EPB41L4B: variants seen among roughly 807,000 people sequenced by gnomAD.
The protein encoded by EPB41L4B is band 4.1-like protein 4B.
In EPB41L4B, 30 loss-of-function variants were observed where a neutral mutation model predicts 112.5. The observed-to-expected ratio is 0.27, with a 90% CI of 0.20 to 0.36. EPB41L4B has a LOEUF of 0.36. Ranked by LOEUF, EPB41L4B falls within the 10% of genes least tolerant of loss-of-function variation. The pLI, the probability that EPB41L4B is intolerant of heterozygous loss-of-function variation, is 1.00. For synonymous variants in EPB41L4B, 408 were observed against 439.7 expected (o/e 0.93, Z 0.90); for missense variants, 1,024 against 1,133.3 (o/e 0.90, Z 1.38).
intron 15 of EPB41L4B, among the ~76,000 whole-genome samples, chr9:109,227,717 G>C (rs138365271): frequency 0.011 from 1,686 of 152,064 alleles, 36 homozygotes; most frequent in African/African-American, 0.039. Context: ...GAGTAGCTTG[G>C]ACTACAGGCG....
At position 109,215,018 on chromosome 9, in the gene EPB41L4B, T is replaced by G. The variant is rs555341157; in HGVS notation, c.1634-1200A>C. 7.9e-5 allele frequency among the ~76,000 whole-genome samples: 12 copies of G among 152,268 alleles called. 1 individual carries two copies. The South Asian group carries it at 2.5e-3, about 32-fold the overall frequency. ...GTGATGAGGGACAGAGTTCGGATTC[T>G]TCAATACCAAGTGGGTGTCGAGTTT... is the stretch of plus-strand genomic sequence containing the variant. On this transcript the variant is annotated intron_variant, in intron 16 of 25. Coordinates refer to ENST00000374566, the MANE Select transcript of EPB41L4B (RefSeq NM_019114.5).
intron 1 of EPB41L4B, among the ~76,000 whole-genome samples, chr9:109,316,388 C>T (rs1306665517): frequency 6.6e-6 from 1 of 152,228 alleles, no homozygotes; most frequent in East Asian, 1.9e-4. Context: ...GCAACAGCCA[C>T]ACGAGCAAAA....
chr9:109,265,701 G>A (rs1051777960), intron 4 of EPB41L4B, among the ~76,000 whole-genome samples: 1 of 152,200 alleles, frequency 6.6e-6, no homozygotes, highest in East Asian at 1.9e-4. Flanking sequence ...TTAAATAAGA[G>A]GGGTATCTTT....
intron 19 of EPB41L4B, among the ~76,000 whole-genome samples, chr9:109,202,811 G>A (rs185207271): frequency 3.0e-4 from 45 of 152,230 alleles, no homozygotes; most frequent in Middle Eastern, 3.4e-3. Flanking sequence ...CTTCACTACC[G>A]TGCAATCTAT....
In EPB41L4B at chr9:109,268,948, T is replaced by C. The variant is rs182489184; in HGVS notation, c.412-515A>G. Among the ~76,000 whole-genome samples the C allele has an allele frequency of 3.3e-5, 5 of 152,022 alleles. No individual in the cohort carries two copies. In the East Asian group the frequency reaches 9.7e-4, roughly 29 times the overall value. On this transcript the variant is annotated intron_variant, in intron 2 of 25. Transcript: ENST00000374566. ...GTTTATGCATATATGTGCATTTTTC[T>C]GGGGAGGGGACTCCCTAGTTTCTGG...
At chr9:109,318,759 T>G (rs756290246) in intron 1 of EPB41L4B, among the ~76,000 whole-genome samples, 1 of 152,174 alleles carries the variant, frequency 6.6e-6, no homozygotes, top group Non-Finnish European at 1.5e-5. Flanking sequence ...CACCCGAATG[T>G]TGGCTCCTTT....
intron 15 of EPB41L4B, among the ~76,000 whole-genome samples, chr9:109,232,968 C>G (rs1363487695): frequency 6.6e-6 from 1 of 152,184 alleles, no homozygotes; most frequent in African/African-American, 2.4e-5. Flanking sequence ...GCCTTTAATA[C>G]AGACAGTGTC....
At chr9:109,209,554 G>A (rs900700275) in intron 17 of EPB41L4B, among the ~76,000 whole-genome samples, 6 of 151,382 alleles carry the variant, frequency 4.0e-5, no homozygotes, top group African/African-American at 1.2e-4. Flanking sequence ...CCAGCTACTC[G>A]GGAGAATCAC....
At chr9:109,248,786 G>A (rs1186821059) in intron 13 of EPB41L4B, among the ~76,000 whole-genome samples, 2 of 152,026 alleles carry the variant, frequency 1.3e-5, no homozygotes, top group Non-Finnish European at 2.9e-5. Flanking sequence ...TAGGCCGGGC[G>A]TGGTAGCTCA....
At chr9:109,234,533 T>C (rs1442330176) in intron 15 of EPB41L4B, among the ~76,000 whole-genome samples, 3 of 152,190 alleles carry the variant, frequency 2.0e-5, no homozygotes, top group African/African-American at 7.2e-5. Flanking sequence ...TGGCTATTTG[T>C]ATTTGAATTT....
chr9:109,183,712 T>C (rs3983526), intron 23 of EPB41L4B, among the ~76,000 whole-genome samples: 76,479 of 151,996 alleles, frequency 0.5, 19,616 homozygotes, highest in African/African-American at 0.57. Context: ...ATGCATACCA[T>C]ACCACCCGCC....
chr9:109,313,667 G>A (rs1184691272), intron 1 of EPB41L4B, among the ~76,000 whole-genome samples: 2 of 152,238 alleles, frequency 1.3e-5, no homozygotes, highest in Non-Finnish European at 2.9e-5. Context: ...CCTACCAAGG[G>A]AGGGGCAGCA....
At chr9:109,309,455 GGT>G (rs1395892530) in intron 1 of EPB41L4B, among the ~76,000 whole-genome samples, 9 of 152,182 alleles carry the variant, frequency 5.9e-5, no homozygotes, top group Non-Finnish European at 1.3e-4. Context: ...ATTCCACCGA[GGT>G]GACCTCAGAA....
chr9:109,192,877 A>G (rs1183706362), intron 21 of EPB41L4B, among the ~76,000 whole-genome samples: 1 of 152,186 alleles, frequency 6.6e-6, no homozygotes, highest in African/African-American at 2.4e-5. Context: ...GGGAGAAAAA[A>G]GAAGTCCCAT....
intron 1 of EPB41L4B, among the ~76,000 whole-genome samples, chr9:109,281,683 CATAAATAAATAA>C (rs201132051): frequency 1.5e-4 from 21 of 138,616 alleles, no homozygotes; most frequent in East Asian, 7.1e-4. Context: ...GACTCCGTCT[CATAAATAAATAA>C]ATAAATAAAT....
chr9:109,216,825 C>T, intron 16 of EPB41L4B, 97 bp downstream of exon 16: 1 of 1,217,298 alleles, frequency 8.2e-7, no homozygotes. Context: ...CCATTGTGTG[C>T]TGCACCGCAA....
intron 9 of EPB41L4B, 43 bp downstream of exon 9, chr9:109,256,093 A>AGTGTC: frequency 1.9e-6 from 3 of 1,552,850 alleles, no homozygotes; most frequent in Middle Eastern, 1.7e-4. Flanking sequence ...TTCCACCACA[A>AGTGTC]AATAGGAAAA....
At chr9:109,208,129 C>T in intron 17 of EPB41L4B, 80 bp from the exon 18 acceptor site, 2 of 1,543,866 alleles carry the variant, frequency 1.3e-6, no homozygotes, top group Non-Finnish European at 1.8e-6. Flanking sequence ...ATAATCATAA[C>T]TGCATATAAC....
At chr9:109,243,549 G>T (rs767811210) in intron 15 of EPB41L4B, 69 bp downstream of exon 15, 46 of 1,461,410 alleles carry the variant, frequency 3.1e-5, no homozygotes, top group Middle Eastern at 1.7e-4. Context: ...TCCTAACTAA[G>T]CAGAATCTGA....
Sources: allele counts gnomAD v4.1 joint callset (sites outside exome capture counted in the v4.1 genomes callset), GRCh38; gene constraint gnomAD v4.1.1; transcripts MANE v1.5; gene names NCBI Gene and HGNC (gene_info 2026-07-23, HGNC 2026-07-21).